WDFY3: variants seen among roughly 807,000 people sequenced by gnomAD.
WDFY3 encodes WD repeat and FYVE domain-containing protein 3.
WDFY3 carries 66 observed loss-of-function variants against 409.6 expected under a neutral mutation model. The observed-to-expected ratio is 0.16, with a 90% CI of 0.13 to 0.20. The LOEUF is 0.20. WDFY3 is among the 10% of genes least tolerant of loss of function. The pLI, the probability that WDFY3 is intolerant of heterozygous loss-of-function variation, is 1.00. For missense variants in WDFY3, 3,031 were observed against 4,298.1 expected (o/e 0.71, Z 8.24); for synonymous variants, 1,521 against 1,537.1 (o/e 0.99, Z 0.25).
chr4:84,755,522 T>C, intron 33 of WDFY3, 122 bp from the exon 34 acceptor site: 1 of 1,122,262 alleles, frequency 8.9e-7, no homozygotes, highest in Non-Finnish European at 1.2e-6. Context: ...AAGTAACCAA[T>C]GATATAGACA....
chr4:84,938,109 G>A (rs1286990902), intron 1 of WDFY3, among the ~76,000 whole-genome samples: 3 of 152,076 alleles, frequency 2.0e-5, no homozygotes, highest in Non-Finnish European at 4.4e-5. Flanking sequence ...CCATGAAAAT[G>A]TAAAATCTAT....
At position 84,780,311 on chromosome 4, in the gene WDFY3, T is replaced by C. The variant is rs1466221118; in HGVS notation, c.4175-13A>G. On this transcript the variant is annotated splice_polypyrimidine_tract_variant and intron_variant, in intron 25 of 67. Coordinates refer to ENST00000295888, the MANE Select transcript of WDFY3 (RefSeq NM_014991.6). ...AATGTTCTTACTCCTGATTAAAAGA[T>C]AGTGAAAAATAATTAAGATAAATTC... 6 of 1,590,112 alleles carry C rather than the reference T, an allele frequency of 3.8e-6. No individual in the cohort carries two copies. Among genetic ancestry groups the C allele is most frequent in the African/African-American group, 1.4e-5 (1 of 73,904 alleles).
chr4:84,728,419 G>T (rs1309537889), intron 44 of WDFY3, among the ~76,000 whole-genome samples: 2 of 151,840 alleles, frequency 1.3e-5, no homozygotes, highest in African/African-American at 4.8e-5. Context: ...AATTCCAGCT[G>T]CTTGGAAGGC....
At chr4:84,865,036 G>C (rs1413188746) in intron 3 of WDFY3, among the ~76,000 whole-genome samples, 2 of 151,856 alleles carry the variant, frequency 1.3e-5, no homozygotes, top group Non-Finnish European at 2.9e-5. Flanking sequence ...ATGACAGCAT[G>C]CACCACCATG....
chr4:84,866,167 A>C (rs1358242776), intron 3 of WDFY3, among the ~76,000 whole-genome samples: 1 of 152,154 alleles, frequency 6.6e-6, no homozygotes, highest in African/African-American at 2.4e-5. Context: ...ATGGGGGAAA[A>C]AATCAGATTC....
intron 4 of WDFY3, among the ~76,000 whole-genome samples, chr4:84,850,358 G>A (rs577199468): frequency 1.1e-4 from 16 of 151,892 alleles, no homozygotes; most frequent in East Asian, 7.8e-4. Flanking sequence ...TCACTCTGTC[G>A]CCTAGGCTGG....
At chr4:84,942,193 G>C (rs1045448205) in intron 1 of WDFY3, among the ~76,000 whole-genome samples, 15 of 151,820 alleles carry the variant, frequency 9.9e-5, no homozygotes, top group African/African-American at 3.6e-4. Flanking sequence ...GAAAAAAATG[G>C]GCAAAGTGGA....
intron 6 of WDFY3, among the ~76,000 whole-genome samples, chr4:84,838,039 G>A (rs1203982234): frequency 6.6e-6 from 1 of 152,112 alleles, no homozygotes; most frequent in Non-Finnish European, 1.5e-5. Context: ...GCCAGGAATG[G>A]CATTAAAAAG....
chr4:84,962,343 G>GT (rs1272346152), intron 1 of WDFY3, among the ~76,000 whole-genome samples: 1 of 152,036 alleles, frequency 6.6e-6, no homozygotes, highest in Non-Finnish European at 1.5e-5. Flanking sequence ...ACTGACACAT[G>GT]TAACAACTTA....
chr4:84,789,501 C>T (rs1748110877), intron 22 of WDFY3, among the ~76,000 whole-genome samples: 1 of 152,136 alleles, frequency 6.6e-6, no homozygotes, highest in African/African-American at 2.4e-5. Context: ...TCTTTAGTAC[C>T]TATAAGCCCT....
chr4:84,943,005 T>C (rs535490041), intron 1 of WDFY3, among the ~76,000 whole-genome samples: 10 of 152,338 alleles, frequency 6.6e-5, no homozygotes, highest in Middle Eastern at 3.4e-3. Context: ...TGTCCAATTA[T>C]ATGTGGATTT....
chr4:84,783,841 G>A (rs1235790841), intron 24 of WDFY3, among the ~76,000 whole-genome samples: 1 of 148,798 alleles, frequency 6.7e-6, no homozygotes, highest in Admixed American at 6.7e-5. Context: ...ATGTTCCTTA[G>A]ATATGTATAT....
chr4:84,784,462 A>G (rs964992568), intron 24 of WDFY3, among the ~76,000 whole-genome samples: 20 of 152,056 alleles, frequency 1.3e-4, no homozygotes, highest in African/African-American at 4.8e-4. Flanking sequence ...GCTGTTCAAG[A>G]AAAAAACCTG....
At chr4:84,878,575 T>C (rs988192009) in intron 3 of WDFY3, among the ~76,000 whole-genome samples, 1 of 152,196 alleles carries the variant, frequency 6.6e-6, no homozygotes, top group African/African-American at 2.4e-5. Flanking sequence ...AATTTATACA[T>C]CCAAATGAAT....
At chr4:84,825,857 A>C (rs1404333712) in intron 10 of WDFY3, among the ~76,000 whole-genome samples, 1 of 152,278 alleles carries the variant, frequency 6.6e-6, no homozygotes, top group East Asian at 1.9e-4. Flanking sequence ...AGTCATGTGA[A>C]TAAAAACTAT....
intron 18 of WDFY3, among the ~76,000 whole-genome samples, chr4:84,796,995 A>G (rs1366414038): frequency 6.6e-6 from 1 of 152,214 alleles, no homozygotes; most frequent in African/African-American, 2.4e-5. Flanking sequence ...ATAAAAATAA[A>G]CATCTCAAAT....
In WDFY3 at chr4:84,945,967, A is replaced by G. The variant is rs186836531; in HGVS notation, c.-225-13604T>C. 5.4e-3 allele frequency among the ~76,000 whole-genome samples: 815 copies of G among 152,286 alleles called. 6 individuals are homozygous for G. Among genetic ancestry groups the G allele is most frequent in the African/African-American group, 0.019 (774 of 41,566 alleles). On this transcript the variant is annotated intron_variant, in intron 1 of 67. Coordinates refer to ENST00000295888, the MANE Select transcript of WDFY3 (RefSeq NM_014991.6). ...GAATTGACAGAGGTGACTGCTCCTG[A>G]CCATCAAGGAGAAGACAGGTTGCTA...
Position 84,826,822 on chromosome 4 carries a change from T to G in WDFY3, c.1116A>C (p.Ala372=), listed in dbSNP as rs898044673. The G allele has an allele frequency of 6.3e-7, 1 of 1,597,552 alleles. No individual in the cohort carries two copies. The highest frequency in any genetic ancestry group is 1.4e-5 in the African/African-American group (1 of 73,954). The change falls in exon 10 of 68, where the codon GCA becomes GCC. Residue 372 remains alanine (A), a synonymous_variant. Transcript: ENST00000295888. ...GGAAAAAACAAGACTCACCTTTGCC[T>G]GCAGGCTGAGGTACTGCAAATCCAG... The part of the protein sequence containing the change: ...LLPGFAVPQP[A]GKGHSVRNVQ...
At chr4:84,853,825 T>C (rs989536593) in intron 4 of WDFY3, among the ~76,000 whole-genome samples, 1 of 152,220 alleles carries the variant, frequency 6.6e-6, no homozygotes, top group Non-Finnish European at 1.5e-5. Flanking sequence ...TCATATTTGC[T>C]AATCTGAAAT....
Sources: gnomAD v4.1 joint callset for allele counts (sites outside exome capture counted in the v4.1 genomes callset) on GRCh38, gnomAD v4.1.1 for gene constraint, MANE v1.5 for transcripts, NCBI Gene and HGNC (gene_info 2026-07-23, HGNC 2026-07-21) for gene names.